Variants in SLC25A27 observed in about 807,000 individuals in gnomAD.
The protein encoded by SLC25A27 is mitochondrial uncoupling protein 4.
Under a neutral mutation model 49.1 loss-of-function variants are expected in SLC25A27, and 35 were observed. The observed-to-expected ratio is 0.71, with a 90% confidence interval of 0.54 to 0.95. SLC25A27 has a LOEUF of 0.95. SLC25A27 is among the 40% of genes least tolerant of loss of function. The probability of loss-of-function intolerance (pLI) is 0.00; values close to 1 mark genes in which losing one functional copy is unlikely to be tolerated. For synonymous variants in SLC25A27, 144 were observed against 136.9 expected (o/e 1.05, Z -0.36); for missense variants, 339 against 397.1 (o/e 0.85, Z 1.24).
intron 5 of SLC25A27, among the ~76,000 whole-genome samples, chr6:46,665,699 A>T (rs1763304291): frequency 6.6e-6 from 1 of 152,106 alleles, no homozygotes; most frequent in Non-Finnish European, 1.5e-5. Flanking sequence ...AGAAAAAAAA[A>T]GAAGTTTTTC....
In SLC25A27 at chr6:46,677,194, A is replaced by G. The variant is rs1344062000; in HGVS notation, c.*740A>G. 6.5e-6 allele frequency: 1 copy of G among 155,028 alleles called. No homozygotes were observed. Among genetic ancestry groups the G allele is most frequent in the Non-Finnish European group, 1.4e-5 (1 of 70,022 alleles). 9.6% of individuals were successfully genotyped at this position (155,028 alleles called of 1,614,324 possible). On this transcript the variant is annotated 3_prime_UTR_variant, in exon 9 of 9. Coordinates refer to ENST00000371347, the MANE Select transcript of SLC25A27 (RefSeq NM_004277.5). ...GACAGCCACACACCGAATCTTGATG[A>G]AAAAAGAGAAGAGCATTTGCCTTGT...
At chr6:46,675,530 T>C (rs549474276) in intron 8 of SLC25A27, among the ~76,000 whole-genome samples, 2 of 152,336 alleles carry the variant, frequency 1.3e-5, no homozygotes, top group South Asian at 2.1e-4. Flanking sequence ...AGATAAACCT[T>C]GCTTTACAAA....
chr6:46,676,641 C>T lies in SLC25A27; in HGVS notation c.*187C>T. 1 of 1,550,882 alleles carries T rather than the reference C, an allele frequency of 6.4e-7. No individual in the cohort carries two copies. The highest frequency in any genetic ancestry group is 8.7e-7 in the Non-Finnish European group (1 of 1,146,992). On this transcript the variant is annotated 3_prime_UTR_variant, in exon 9 of 9. Transcript: ENST00000371347. ...GTTCTCTTTGACTCCTCTTTTTGTC[C>T]AAAAGTGATCTGGTCGGATCTCACA...
intron 3 of SLC25A27, among the ~76,000 whole-genome samples, chr6:46,660,136 A>G (rs1280584687): frequency 2.6e-5 from 4 of 151,986 alleles, no homozygotes; most frequent in South Asian, 2.1e-4. Flanking sequence ...TCAGAGAACT[A>G]AGCAATTCAT....
Position 46,656,016 on chromosome 6 carries a change from G to T in SLC25A27, c.280G>T (p.Ala94Ser), listed in dbSNP as rs779343845. The change falls in exon 2 of 9, where the codon GCC (alanine) becomes TCC (serine). Residue 94 changes from alanine (A) to serine (S), a missense_variant. Transcript: ENST00000371347. ...FLKLWQGVTP[A>S]IYRHVVYSGG... ...AAAGCTTTGGCAAGGAGTGACACCC[G>T]CCATTTACAGACACGTAGGTATTTA... 6.2e-7 allele frequency: 1 copy of T among 1,609,742 alleles called. No individual in the cohort carries two copies. The highest frequency in any genetic ancestry group is 1.7e-5 in the Admixed American group (1 of 59,178).
At chr6:46,660,230 C>CTGTGTG (rs140354056) in intron 3 of SLC25A27, among the ~76,000 whole-genome samples, 12 of 147,414 alleles carry the variant, frequency 8.1e-5, no homozygotes, top group East Asian at 6.0e-4. Context: ...ACCTCTGTGT[C>CTGTGTG]TGTGTGTGTG....
intron 8 of SLC25A27, among the ~76,000 whole-genome samples, 160 bp downstream of exon 8, chr6:46,671,388 TCTC>T (rs1353439474): frequency 6.6e-6 from 1 of 152,110 alleles, no homozygotes. Context: ...TCCTTTCACT[TCTC>T]CTCAGAGTTA....
chr6:46,653,569 G>A (rs1341539052), intron 1 of SLC25A27: 1 of 985,344 alleles, frequency 1.0e-6, no homozygotes, highest in Non-Finnish European at 1.2e-6. Flanking sequence ...TTCGCGAGCT[G>A]TCATTCCTCT....
In SLC25A27 at chr6:46,669,548, G is replaced by A. The variant is rs900007271; in HGVS notation, c.705-587G>A. ...AGTAGACAACCCTAAAAGTGTAATAGTGTCAAGTCAAATATTTGGAGGTAG... is the reference window on the plus strand; with the variant it reads ...AGTAGACAACCCTAAAAGTGTAATAATGTCAAGTCAAATATTTGGAGGTAG... On this transcript the variant is annotated intron_variant, in intron 6 of 8. Transcript: ENST00000371347. Among the ~76,000 whole-genome samples the A allele has an allele frequency of 6.6e-5, 10 of 152,174 alleles. No homozygotes were observed. The East Asian group carries it at 1.9e-3, about 29-fold the overall frequency.
At position 46,662,945 on chromosome 6, in the gene SLC25A27, T is replaced by C. The variant is rs112672698; in HGVS notation, c.506+447T>C. ...GACTGCTCATTAGTGTGAAAAACCT[T>C]GCTTTCATTCCCTTTCTCCTGCAGA... On this transcript the variant is annotated intron_variant, in intron 4 of 8. Transcript: ENST00000371347. Among the ~76,000 whole-genome samples, 583 of 152,338 alleles carry C rather than the reference T, an allele frequency of 3.8e-3. 4 individuals are homozygous for C. The highest frequency in any genetic ancestry group is 0.013 in the African/African-American group (549 of 41,584).
Position 46,664,792 on chromosome 6 carries a change from T to C in SLC25A27, c.525T>C (p.His175=), listed in dbSNP as rs925010869. 2 of 1,605,146 alleles carry C rather than the reference T, an allele frequency of 1.2e-6. No homozygotes were observed. The highest frequency in any genetic ancestry group is 1.3e-5 in the African/African-American group (1 of 74,564). ...GKPLRFRGVH[H]AFAKILAEGG... is the part of the protein sequence containing the mutation. ...TCCTTAGATTTCGTGGTGTACATCA[T>C]GCATTTGCAAAAATCTTAGCTGAAG... The change falls in exon 5 of 9, where the codon CAT becomes CAC. Residue 175 remains histidine, a synonymous_variant. Coordinates refer to ENST00000371347, the MANE Select transcript of SLC25A27 (RefSeq NM_004277.5).
chr6:46,664,716 T>C (rs996257796), intron 4 of SLC25A27, 58 bp from the exon 5 acceptor site: 2 of 883,396 alleles, frequency 2.3e-6, no homozygotes, highest in Middle Eastern at 2.3e-4. Context: ...GCTTATCCAG[T>C]TGAATTTCAT....
At chr6:46,663,893 C>G (rs1424785569) in intron 4 of SLC25A27, among the ~76,000 whole-genome samples, 1 of 152,066 alleles carries the variant, frequency 6.6e-6, no homozygotes, top group Non-Finnish European at 1.5e-5. Context: ...TATTATATAC[C>G]TCACAGAATT....
intron 6 of SLC25A27, 36 bp downstream of exon 6, chr6:46,668,829 T>G: frequency 8.1e-7 from 1 of 1,231,286 alleles, no homozygotes; most frequent in Non-Finnish European, 1.2e-6. Flanking sequence ...GTTTTTTTTT[T>G]TTGTATCACT....
At chr6:46,671,252 GT>G (rs753888588) in intron 8 of SLC25A27, 24 bp downstream of exon 8, 14 of 1,329,260 alleles carry the variant, frequency 1.1e-5, no homozygotes, top group East Asian at 2.6e-5. Context: ...TACTTCCTTT[GT>G]TTTTTTTCTT....
In SLC25A27 at chr6:46,676,589, G is replaced by A; in HGVS notation, c.*135G>A. 3.2e-6 allele frequency: 5 copies of A among 1,564,664 alleles called. No individual in the cohort carries two copies. Among genetic ancestry groups the A allele is most frequent in the Admixed American group, 3.8e-5 (2 of 52,588 alleles). On this transcript the variant is annotated 3_prime_UTR_variant, in exon 9 of 9. Transcript: ENST00000371347. ...CACAGAGACTGATTTATAGGGGGCAGCACTTTATTTTTTTCTGGAAACCCA... is the reference window on the plus strand; with the variant it reads ...CACAGAGACTGATTTATAGGGGGCAACACTTTATTTTTTTCTGGAAACCCA...
At chr6:46,658,548 G>T (rs764336477) in intron 2 of SLC25A27, 1 of 438,458 alleles carries the variant, frequency 2.3e-6, no homozygotes, top group South Asian at 1.7e-5. Flanking sequence ...AGGGCATCTG[G>T]GGTAAGTAAA....
At chr6:46,675,824 A>C (rs1359572373) in intron 8 of SLC25A27, among the ~76,000 whole-genome samples, 7 of 152,164 alleles carry the variant, frequency 4.6e-5, no homozygotes, top group Admixed American at 4.6e-4. Flanking sequence ...CTGAACTGGA[A>C]GGGCTTTTTT....
intron 8 of SLC25A27, among the ~76,000 whole-genome samples, chr6:46,675,690 C>G (rs1017084654): frequency 6.6e-6 from 1 of 152,160 alleles, no homozygotes; most frequent in African/African-American, 2.4e-5. Context: ...AGTGTTTACC[C>G]TGTGATTTCC....
Sources: gnomAD v4.1 joint callset for allele counts (sites outside exome capture counted in the v4.1 genomes callset) on GRCh38, gnomAD v4.1.1 for gene constraint, MANE v1.5 for transcripts, NCBI Gene and HGNC (gene_info 2026-07-23, HGNC 2026-07-21) for gene names.